Variants in NAV2 observed in about 807,000 individuals in gnomAD.
The protein encoded by NAV2 is neuron navigator 2.
In NAV2, 54 loss-of-function variants were observed where a neutral mutation model predicts 223.2. That is an observed-to-expected ratio of 0.24 (90% CI 0.19 to 0.30). The LOEUF (loss-of-function observed/expected upper bound fraction) is 0.30. NAV2 is among the 10% of genes least tolerant of loss of function. The pLI is 1.00. For missense variants in NAV2, 2,806 were observed against 3,147.5 expected (o/e 0.89, Z 2.60); for synonymous variants, 1,279 against 1,239.3 (o/e 1.03, Z -0.67).
intron 1 of NAV2, among the ~76,000 whole-genome samples, chr11:19,614,225 AGAG>A (rs2046726597): frequency 6.6e-6 from 1 of 152,138 alleles, no homozygotes; most frequent in Non-Finnish European, 1.5e-5. Flanking sequence ...TGGGGGTTGA[AGAG>A]GAGATGAGGC....
Position 20,045,307 on chromosome 11 carries a change from T to C in NAV2, c.3539T>C (p.Leu1180Pro), listed in dbSNP as rs1591819325. 5 of 1,614,186 alleles carry C rather than the reference T, an allele frequency of 3.1e-6. No individual in the cohort carries two copies. In the East Asian group the frequency reaches 1.1e-4, roughly 36 times the overall value. ...DGAQNQDDGYLALSSRTNLQY... is the reference protein window; with the variant it reads ...DGAQNQDDGYPALSSRTNLQY... ...GCTCAGAATCAGGATGACGGGTATC[T>C]AGCCCTAAGCTCCCGGACAAACCTT... The change falls in exon 14 of 38, where the codon CTA becomes CCA. Residue 1180 changes from leucine (L) to proline (P), a missense_variant. Physicochemically the swap from Leu to Pro is moderately conservative, Grantham distance 98. This residue lies in a region of NAV2 where 742 missense variants were observed against 777.9 expected (regional missense o/e 0.95). Transcript: ENST00000349880.
At chr11:19,957,495 G>A (rs1314718120) in intron 10 of NAV2, among the ~76,000 whole-genome samples, 1 of 152,198 alleles carries the variant, frequency 6.6e-6, no homozygotes, top group Non-Finnish European at 1.5e-5. Flanking sequence ...GTCTGACATG[G>A]GTGGTTTGGC....
Position 19,959,350 on chromosome 11 carries a change from C to A in NAV2, c.2645+10270C>A, listed in dbSNP as rs769370714. On this transcript the variant is annotated intron_variant, in intron 10 of 37. Coordinates refer to ENST00000349880, the MANE Select transcript of NAV2 (RefSeq NM_145117.5). ...CTGCGTGTCCATAGTTCATTGCAAC[C>A]CAAGGCAGATGGTGGTGAATGTTAA... 5.1e-4 allele frequency among the ~76,000 whole-genome samples: 77 copies of A among 152,132 alleles called. 2 individuals are homozygous for A. The highest frequency in any genetic ancestry group is 1.3e-4 in the Non-Finnish European group (9 of 68,026).
chr11:19,877,819 G>A (rs950272471), intron 4 of NAV2, among the ~76,000 whole-genome samples: 1 of 152,072 alleles, frequency 6.6e-6, no homozygotes, highest in Non-Finnish European at 1.5e-5. Flanking sequence ...CCAGTTGGGT[G>A]ACTATAGATA....
intron 1 of NAV2, among the ~76,000 whole-genome samples, chr11:19,374,561 G>A (rs988347374): frequency 6.6e-5 from 10 of 152,180 alleles, no homozygotes; most frequent in Admixed American, 6.5e-4. Flanking sequence ...TTGCAATTAT[G>A]CAAGTATATT....
intron 10 of NAV2, among the ~76,000 whole-genome samples, chr11:19,972,942 C>T (rs762078208): frequency 6.6e-6 from 1 of 152,170 alleles, no homozygotes; most frequent in African/African-American, 2.4e-5. Context: ...CTATGTGAGC[C>T]CTTCCTGCAG....
At chr11:19,445,899 A>G (rs922154966) in intron 1 of NAV2, among the ~76,000 whole-genome samples, 2 of 152,152 alleles carry the variant, frequency 1.3e-5, no homozygotes, top group Non-Finnish European at 2.9e-5. Context: ...TTATCCCCAT[A>G]GTACAGGTGA....
chr11:20,024,546 C>G (rs1564866840), intron 11 of NAV2, among the ~76,000 whole-genome samples: 1 of 152,220 alleles, frequency 6.6e-6, no homozygotes, highest in Non-Finnish European at 1.5e-5. Context: ...GCTAGCTGTT[C>G]ACATGTGTGC....
intron 1 of NAV2, among the ~76,000 whole-genome samples, chr11:19,536,388 G>T (rs1021808073): frequency 2.0e-5 from 3 of 152,086 alleles, no homozygotes; most frequent in South Asian, 4.1e-4. Flanking sequence ...TCTAAGCCCC[G>T]TATGGAAGGT....
At chr11:20,003,599 T>A (rs1430537735) in intron 11 of NAV2, among the ~76,000 whole-genome samples, 1 of 152,130 alleles carries the variant, frequency 6.6e-6, no homozygotes, top group Admixed American at 6.6e-5. Context: ...TCTAAGTTAG[T>A]TCTACTTGAG....
intron 1 of NAV2, among the ~76,000 whole-genome samples, chr11:19,530,884 A>G (rs1355882188): frequency 6.6e-6 from 1 of 152,244 alleles, no homozygotes; most frequent in Non-Finnish European, 1.5e-5. Context: ...ACGAAGTAGT[A>G]TATTCAGAAT....
intron 1 of NAV2, chr11:19,777,418 TCCCC>T: frequency 2.3e-6 from 1 of 433,034 alleles, no homozygotes; most frequent in Admixed American, 2.6e-5. Flanking sequence ...TTTTTTTTTT[TCCCC>T]TCCTCCTTTT....
intron 1 of NAV2, among the ~76,000 whole-genome samples, chr11:19,601,226 T>C (rs186100237): frequency 6.6e-6 from 1 of 152,310 alleles, no homozygotes; most frequent in Admixed American, 6.5e-5. Flanking sequence ...AGGCCCTATC[T>C]CTATCACATA....
chr11:19,628,556 G>A (rs1045090457), intron 1 of NAV2, among the ~76,000 whole-genome samples: 2 of 152,118 alleles, frequency 1.3e-5, no homozygotes, highest in Non-Finnish European at 2.9e-5. Flanking sequence ...CCACGCTCAC[G>A]TGGCCATGCA....
chr11:19,510,034 C>T (rs1165682931), intron 1 of NAV2, among the ~76,000 whole-genome samples: 5 of 152,022 alleles, frequency 3.3e-5, no homozygotes, highest in East Asian at 1.9e-4. Context: ...ACAGACTGTT[C>T]GATGAGATTG....
chr11:20,042,933 G>A (rs147223147), intron 12 of NAV2, among the ~76,000 whole-genome samples: 125 of 152,190 alleles, frequency 8.2e-4, no homozygotes, highest in African/African-American at 2.8e-3. Context: ...GATCATTAAC[G>A]TCACACTTCG....
At chr11:19,584,910 C>T (rs1305197816) in intron 1 of NAV2, among the ~76,000 whole-genome samples, 1 of 152,192 alleles carries the variant, frequency 6.6e-6, no homozygotes, top group Admixed American at 6.5e-5. Context: ...TGGTGCAGAG[C>T]TGAGTTCAAT....
At position 19,350,995 on chromosome 11, in the gene NAV2, C is replaced by T. The variant is rs1238848848; in HGVS notation, c.43C>T (p.Pro15Ser). The T allele has an allele frequency of 4.5e-6, 7 of 1,551,716 alleles. No individual in the cohort carries two copies. In the South Asian group the frequency reaches 8.3e-5, roughly 18 times the overall value. ...GTCCAGCCAACAGCAGAAGAGAAAGCCAGTTATCCACGGACTGGAAGATCA... is the reference window on the plus strand; with the variant it reads ...GTCCAGCCAACAGCAGAAGAGAAAGTCAGTTATCCACGGACTGGAAGATCA... Residue 15 changes from proline (P) to serine (S), a missense_variant, in exon 1 of 38, where the codon CCA becomes TCA. Pro to Ser is a moderately conservative substitution (Grantham distance 74). Transcript: ENST00000360655.
intron 1 of NAV2, among the ~76,000 whole-genome samples, chr11:19,512,721 C>G (rs1206404055): frequency 6.6e-6 from 1 of 152,216 alleles, no homozygotes; most frequent in African/African-American, 2.4e-5. Context: ...ATAACTTGGT[C>G]TCCTTCTCCT....
Sources: gnomAD v4.1 joint callset for allele counts (sites outside exome capture counted in the v4.1 genomes callset) on GRCh38, gnomAD v4.1.1 for gene constraint, gnomAD v4.1.1 regional missense constraint, MANE v1.5 for transcripts, NCBI Gene and HGNC (gene_info 2026-07-23, HGNC 2026-07-21) for gene names.